STX5: variants seen among roughly 807,000 people sequenced by gnomAD.
The protein encoded by STX5 is syntaxin-5.
Under a neutral mutation model 42.9 loss-of-function variants are expected in STX5, and 15 were observed. The ratio of observed to expected loss-of-function variants is 0.35; its 90% CI spans 0.23 to 0.54. The LOEUF is 0.54. Ranked by LOEUF, STX5 falls within the 20% of genes least tolerant of loss-of-function variation. STX5 has a pLI of 0.91. For missense variants in STX5, 430 were observed against 455.0 expected (o/e 0.95, Z 0.50); for synonymous variants, 184 against 173.2 (o/e 1.06, Z -0.49).
At chr11:62,831,517 A>C (rs1335774082) in intron 1 of STX5, among the ~76,000 whole-genome samples, 1 of 151,960 alleles carries the variant, frequency 6.6e-6, no homozygotes, top group Non-Finnish European at 1.5e-5. Flanking sequence ...CCTGAAGCAG[A>C]GACAGGGCCA....
intron 1 of STX5, among the ~76,000 whole-genome samples, 185 bp downstream of exon 1, chr11:62,831,769 G>A (rs1365579246): frequency 2.4e-4 from 35 of 146,844 alleles, no homozygotes; most frequent in Non-Finnish European, 7.4e-5. Flanking sequence ...CATTAGCTAA[G>A]GCCGACGTCT....
In STX5 at chr11:62,831,232, C is replaced by T. The variant is rs1164878967; in HGVS notation, c.12G>A (p.Arg4=). ...CCGTGTTCTTAGACCCGTAGCGTTT[C>T]CGCGGGATCATTGAGACGCATAACC... MIP[R]KRYGSKNTDQ... Residue 4 remains arginine (R), a synonymous_variant, in exon 2 of 11, where the codon CGG becomes CGA. Coordinates refer to ENST00000294179, the MANE Select transcript of STX5 (RefSeq NM_003164.5). 1.9e-6 allele frequency: 3 copies of T among 1,561,350 alleles called. No individual in the cohort carries two copies. Among genetic ancestry groups the T allele is most frequent in the Non-Finnish European group, 2.6e-6 (3 of 1,151,600 alleles).
intron 5 of STX5, among the ~76,000 whole-genome samples, chr11:62,826,785 C>T (rs776464905): frequency 1.6e-4 from 24 of 148,324 alleles, no homozygotes; most frequent in Non-Finnish European, 2.2e-4. Flanking sequence ...GAGGCTGAGG[C>T]AGGAGAATCG....
intron 5 of STX5, 136 bp downstream of exon 5, chr11:62,827,019 C>T: frequency 1.4e-6 from 1 of 732,224 alleles, no homozygotes; most frequent in Non-Finnish European, 2.3e-6. Flanking sequence ...CACTACACTC[C>T]AGACTGGTCA....
At chr11:62,818,216 G>A (rs1358814690) in intron 10 of STX5, among the ~76,000 whole-genome samples, 2 of 140,898 alleles carry the variant, frequency 1.4e-5, no homozygotes, top group East Asian at 4.3e-4. Context: ...CTGCATGCTG[G>A]CCTGGGTGAC....
chr11:62,821,794 G>A (rs1355650517), intron 10 of STX5, among the ~76,000 whole-genome samples: 1 of 152,062 alleles, frequency 6.6e-6, no homozygotes, highest in African/African-American at 2.4e-5. Flanking sequence ...TTGGGAAGCT[G>A]AAGTGGGCGG....
In STX5 at chr11:62,827,376, T is replaced by C. The variant is rs2084807700; in HGVS notation, c.319A>G (p.Asn107Asp). The change falls in exon 4 of 11, where the codon AAC becomes GAC. Residue 107 changes from asparagine (N) to aspartate (D), a missense_variant. Asn to Asp is a conservative substitution (Grantham distance 23). Coordinates refer to ENST00000294179, the MANE Select transcript of STX5 (RefSeq NM_003164.5). ...MAKRIGKDLS[N>D]TFAKLEKLTI... is the part of the protein sequence containing the mutation. ...AGCTTCTCCAGCTTGGCAAATGTGT[T>C]GCTAAGGTCTTTCCCAATGCGCCTG... 6.2e-7 allele frequency: 1 copy of C among 1,614,238 alleles called. No individual in the cohort carries two copies.
chr11:62,810,471 CA>C lies in STX5; in HGVS notation c.909-2844del, dbSNP rs201425491. 1.5e-3 allele frequency among the ~76,000 whole-genome samples: 229 copies of C among 151,976 alleles called. 7 individuals are homozygous for C. The East Asian group carries it at 0.037, about 25-fold the overall frequency. ...GAAAAGAAAAAAACAAATATGAAAA[CA>C]AAAAAAGTTAGTGACTACAGGTGAA... On this transcript the variant is annotated intron_variant, in intron 10 of 10. Transcript: ENST00000294179.
At chr11:62,820,513 T>C (rs961217180) in intron 10 of STX5, among the ~76,000 whole-genome samples, 1 of 149,524 alleles carries the variant, frequency 6.7e-6, no homozygotes, top group Non-Finnish European at 1.5e-5. Flanking sequence ...TTTACTATTT[T>C]CTTTTTCTTT....
rs559292676 is a variant in STX5, at chr11:62,825,063, C to T, written c.652G>A (p.Ala218Thr). 5 of 1,613,972 alleles carry T rather than the reference C, an allele frequency of 3.1e-6. No individual in the cohort carries two copies. In the South Asian group the frequency reaches 4.4e-5, roughly 14 times the overall value. Residue 218 changes from alanine to threonine, a missense_variant, in exon 8 of 11, where the codon GCC becomes ACC. Ala to Thr is a moderately conservative substitution (Grantham distance 58). Coordinates refer to ENST00000294179, the MANE Select transcript of STX5 (RefSeq NM_003164.5). ...AGGTGGTTAGGGGCAAGGGGCAGGG[C>T]TGACACAGGTGCCCGGGAGAACTGC... ...REQFSRAPVS[A>T]LPLAPNHLGG...
chr11:62,829,472 T>G (rs969224371), intron 2 of STX5, among the ~76,000 whole-genome samples: 2 of 149,682 alleles, frequency 1.3e-5, no homozygotes, highest in Admixed American at 6.7e-5. Context: ...CCCAAATTTT[T>G]TTTAAGAGGA....
rs745611213 is a variant in STX5 at position 62,827,444 on chromosome 11, T to C, written c.297-46A>G. The C allele has an allele frequency of 6.2e-6, 10 of 1,613,642 alleles. No homozygotes were observed. The African/African-American group carries it at 6.7e-5, about 11-fold the overall frequency. ...GACTGTGGGAAAGGGCAGGACGCCT[T>C]TTCCCACATAAGCTCCAGCATAACC... On this transcript the variant is annotated intron_variant, in intron 3 of 10. Transcript: ENST00000294179.
Position 62,831,069 on chromosome 11 carries a change from C to T in STX5, c.175G>A (p.Asp59Asn). 1 of 1,556,332 alleles carries T rather than the reference C, an allele frequency of 6.4e-7. No homozygotes were observed. The highest frequency in any genetic ancestry group is 1.4e-5 in the African/African-American group (1 of 73,530). ...GCAGACAGAAACTCCTGGGTCCGATCCCGGCAGGACATGGTGTCGGGAGGG... is the reference window on the plus strand; with the variant it reads ...GCAGACAGAAACTCCTGGGTCCGATTCCGGCAGGACATGGTGTCGGGAGGG... ...PPPPDTMSCRDRTQEFLSACK... is the reference protein window; with the variant it reads ...PPPPDTMSCRNRTQEFLSACK... The change falls in exon 2 of 11, where the codon GAT becomes AAT. Residue 59 changes from aspartate to asparagine, a missense_variant. Physicochemically the swap from Asp to Asn is conservative, Grantham distance 23. Coordinates refer to ENST00000294179, the MANE Select transcript of STX5 (RefSeq NM_003164.5).
At chr11:62,819,612 G>A (rs1445401473) in intron 10 of STX5, among the ~76,000 whole-genome samples, 1 of 151,912 alleles carries the variant, frequency 6.6e-6, no homozygotes, top group Non-Finnish European at 1.5e-5. Context: ...CCGCCCCCAG[G>A]GCTCAGGAGA....
intron 10 of STX5, among the ~76,000 whole-genome samples, chr11:62,815,483 A>G (rs1006841821): frequency 1.3e-5 from 2 of 151,658 alleles, no homozygotes; most frequent in Admixed American, 6.6e-5. Flanking sequence ...CTCACTGAAT[A>G]ATACATAATA....
rs891418617 is a variant in STX5, at chr11:62,831,118, G to A, written c.126C>T (p.Pro42=). 6 of 1,554,710 alleles carry A rather than the reference G, an allele frequency of 3.9e-6. No individual in the cohort carries two copies. In the African/African-American group the frequency reaches 5.4e-5, roughly 14 times the overall value. The part of the protein sequence containing the change: ...GSSSSDIAPL[P]PPVTLVPPPP... ...GGGGAGGGACGAGGGTCACTGGGGGGGGCAGAGGGGCGATGTCGCTGCTGC... is the reference window on the plus strand; with the variant it reads ...GGGGAGGGACGAGGGTCACTGGGGGAGGCAGAGGGGCGATGTCGCTGCTGC... The change falls in exon 2 of 11, where the codon CCC becomes CCT. Residue 42 remains proline (P), a synonymous_variant. Coordinates refer to ENST00000294179, the MANE Select transcript of STX5 (RefSeq NM_003164.5).
At chr11:62,820,509 A>G (rs930831180) in intron 10 of STX5, among the ~76,000 whole-genome samples, 6 of 147,196 alleles carry the variant, frequency 4.1e-5, no homozygotes, top group African/African-American at 1.3e-4. Flanking sequence ...CCATTTTACT[A>G]TTTTCTTTTT....
At chr11:62,821,185 A>G (rs2084736187) in intron 10 of STX5, among the ~76,000 whole-genome samples, 1 of 151,898 alleles carries the variant, frequency 6.6e-6, no homozygotes, top group Non-Finnish European at 1.5e-5. Flanking sequence ...GTGGGCACCT[A>G]TAATCCCAAC....
At chr11:62,829,507 T>G (rs1262580527) in intron 2 of STX5, among the ~76,000 whole-genome samples, 2 of 151,808 alleles carry the variant, frequency 1.3e-5, no homozygotes, top group Non-Finnish European at 2.9e-5. Flanking sequence ...CTGACACCTG[T>G]AATCCCAGCA....
Sources: gnomAD v4.1 joint callset for allele counts (sites outside exome capture counted in the v4.1 genomes callset) on GRCh38, gnomAD v4.1.1 for gene constraint, MANE v1.5 for transcripts, NCBI Gene and HGNC (gene_info 2026-07-23, HGNC 2026-07-21) for gene names.